Variants in TRPC1 observed in about 807,000 individuals in gnomAD.
The protein encoded by TRPC1 is transient receptor potential cation channel subfamily C member 1.
TRPC1 carries 42 observed loss-of-function variants against 88.2 expected under a neutral mutation model. The observed-to-expected ratio is 0.48, with a 90% CI of 0.37 to 0.62. TRPC1 has a LOEUF of 0.62. TRPC1 is among the 20% of genes least tolerant of loss of function. The pLI, the probability that TRPC1 is intolerant of heterozygous loss-of-function variation, is 0.00. For missense variants in TRPC1, 699 were observed against 957.3 expected, an observed-to-expected ratio of 0.73 and a Z score of 3.56; for synonymous variants, 288 against 331.8, an observed-to-expected ratio of 0.87 and a Z score of 1.43.
chr3:142,761,703 G>T (rs7642332), intron 4 of TRPC1, among the ~76,000 whole-genome samples: 46,817 of 151,678 alleles, frequency 0.31, 9,131 homozygotes, highest in African/African-American at 0.57. Context: ...ATCAGGTCTT[G>T]GGCACTTCTT....
Position 142,791,024 on chromosome 3 carries a change from A to C in TRPC1, c.1303A>C (p.Ile435Leu). Residue 435 changes from isoleucine (I) to leucine (L), a missense_variant, in exon 8 of 13, where the codon ATT becomes CTT. By Grantham distance (5) the Ile-to-Leu change is conservative. Around this residue, in one of 4 missense-constraint regions of TRPC1, gnomAD observed 426 missense variants for 641.3 expected, o/e 0.66. Transcript: ENST00000476941. Reference sequence around the variant, plus strand: ...TTTTTTCTTCCTTTTCTCAGGGATGATTTGGTCAGACATTAAAAGACTCTG... The same window carrying C: ...TTTTTTCTTCCTTTTCTCAGGGATGCTTTGGTCAGACATTAAAAGACTCTG... ...YLLILWIIGM[I>L]WSDIKRLWYE... The C allele has an allele frequency of 3.2e-6, 5 of 1,586,656 alleles. No homozygotes were observed. Among genetic ancestry groups the C allele is most frequent in the Non-Finnish European group, 4.3e-6 (5 of 1,169,908 alleles).
chr3:142,756,771 T>A (rs1012500564), intron 4 of TRPC1, among the ~76,000 whole-genome samples: 16 of 152,168 alleles, frequency 1.1e-4, no homozygotes, highest in African/African-American at 3.9e-4. Flanking sequence ...GTTTTAAAAA[T>A]TTTTTTATTT....
intron 9 of TRPC1, among the ~76,000 whole-genome samples, chr3:142,799,534 G>A (rs1359741413): frequency 6.6e-6 from 1 of 152,082 alleles, no homozygotes; most frequent in Admixed American, 6.6e-5. Context: ...GGCCGGGCAT[G>A]GTGGAACACA....
At chr3:142,784,616 T>C (rs759826591) in intron 6 of TRPC1, 88 bp from the exon 7 acceptor site, 27 of 1,041,750 alleles carry the variant, frequency 2.6e-5, no homozygotes, top group Admixed American at 1.4e-4. Context: ...TAAACTCTTA[T>C]TCAGTAAACT....
intron 7 of TRPC1, among the ~76,000 whole-genome samples, chr3:142,786,723 G>A (rs1004249404): frequency 3.3e-5 from 5 of 152,176 alleles, no homozygotes; most frequent in Admixed American, 6.5e-5. Context: ...GAAGAGAATC[G>A]CTAAGGAGCA....
rs758193548 is a variant in TRPC1 at position 142,743,513 on chromosome 3, ACT to A, written c.359_360del (p.Ser120Ter). On this transcript the variant is annotated frameshift_variant, in exon 3 of 13. Transcript: ENST00000476941. LOFTEE classifies it high-confidence loss of function. The stretch of plus-strand genomic sequence containing the variant: ...GCAGATGCACTTTTGGTGGCAATCG[ACT>A]CTGAAGTAGTGGGAGCTGTTGATAT... 21 of 1,520,214 alleles carry A rather than the reference ACT, an allele frequency of 1.4e-5. No individual in the cohort carries two copies. The highest frequency in any genetic ancestry group is 8.8e-7 in the Non-Finnish European group (1 of 1,141,182). 94.2% of individuals were successfully genotyped at this position (1,520,214 alleles called of 1,614,324 possible).
chr3:142,732,752 C>G (rs1344698044), intron 1 of TRPC1, among the ~76,000 whole-genome samples: 2 of 152,174 alleles, frequency 1.3e-5, no homozygotes, highest in African/African-American at 4.8e-5. Flanking sequence ...GATTATGTTG[C>G]ACTTCCTTCT....
intron 4 of TRPC1, among the ~76,000 whole-genome samples, chr3:142,765,646 A>G (rs1416378774): frequency 6.6e-6 from 1 of 152,138 alleles, no homozygotes; most frequent in African/African-American, 2.4e-5. Context: ...ACCCCTACCT[A>G]TCACCATATA....
chr3:142,736,208 T>C (rs2092276326), intron 1 of TRPC1, among the ~76,000 whole-genome samples, 171 bp from the exon 2 acceptor site: 1 of 152,174 alleles, frequency 6.6e-6, no homozygotes, highest in Non-Finnish European at 1.5e-5. Context: ...ATTATTTTAT[T>C]AAGGTATAAA....
At chr3:142,747,533 C>A (rs1001948606) in intron 3 of TRPC1, among the ~76,000 whole-genome samples, 6 of 152,142 alleles carry the variant, frequency 3.9e-5, no homozygotes, top group Non-Finnish European at 8.8e-5. Context: ...CCCAGCCACC[C>A]TGTTTGTGGC....
chr3:142,724,805 T>TC lies in TRPC1; in HGVS notation c.172+74_172+75insC. On this transcript the variant is annotated intron_variant, in intron 1 of 12. Transcript: ENST00000476941. This position sits in a 1 kb window ranked among gnomAD's most constrained non-coding sequence, Gnocchi z 5.6. ...TTTAGTCCTCTCCCCCGCCTCAACT[T>TC]ATATCGGGGCATTCCCTCTGTCTCA... 1 of 1,427,860 alleles carries TC rather than the reference T, an allele frequency of 7.0e-7. No individual in the cohort carries two copies. The highest frequency in any genetic ancestry group is 9.2e-7 in the Non-Finnish European group (1 of 1,081,344). The allele number at this position is 1,427,860 out of a possible 1,614,324, so 88.4% of individuals were successfully genotyped here.
chr3:142,742,442 C>A (rs1424921161), intron 2 of TRPC1, among the ~76,000 whole-genome samples: 1 of 151,996 alleles, frequency 6.6e-6, no homozygotes, highest in Admixed American at 6.5e-5. Flanking sequence ...GGACTCCAAC[C>A]CTTTTTTTTG....
rs1184708748 is a variant in TRPC1, at chr3:142,807,336, C to A, written c.*1101C>A. On this transcript the variant is annotated 3_prime_UTR_variant, in exon 13 of 13. Transcript: ENST00000476941. ...CATTCTTGCTGCTTAAGATGAAAAG[C>A]ATTGGTTTTTTAAAATTAGAGAATA... is the stretch of plus-strand genomic sequence containing the variant. 1.3e-5 allele frequency: 2 copies of A among 152,054 alleles called. No homozygotes were observed. The highest frequency in any genetic ancestry group is 3.8e-4 in the East Asian group (2 of 5,196). The allele number at this position is 152,054 out of a possible 1,614,324, so 9.4% of individuals were successfully genotyped here. A position where few individuals can be genotyped will look rare whatever the true frequency, so the allele number is the denominator to read the frequency against.
In TRPC1 at chr3:142,807,020, A is replaced by G. The variant is rs1402991933; in HGVS notation, c.*785A>G. The G allele has an allele frequency of 2.0e-5, 3 of 151,954 alleles. No homozygotes were observed. The highest frequency in any genetic ancestry group is 7.2e-5 in the African/African-American group (3 of 41,382). The allele number at this position is 151,954 out of a possible 1,614,324, so 9.4% of individuals were successfully genotyped here. A position where few individuals can be genotyped will look rare whatever the true frequency, so the allele number is the denominator to read the frequency against. On this transcript the variant is annotated 3_prime_UTR_variant, in exon 13 of 13. Coordinates refer to ENST00000476941, the MANE Select transcript of TRPC1 (RefSeq NM_001251845.2). ...ATTTTTTAGCTATTCAGTTATGTTT[A>G]TAAGTTTGCATAGCTACTTCTCGAC...
At chr3:142,802,785 A>C (rs1392885114) in intron 10 of TRPC1, among the ~76,000 whole-genome samples, 1 of 152,082 alleles carries the variant, frequency 6.6e-6, no homozygotes, top group East Asian at 1.9e-4. Context: ...AACTTCATGA[A>C]CATTTTTTTC....
At chr3:142,797,700 T>C (rs1478713868) in intron 9 of TRPC1, among the ~76,000 whole-genome samples, 8 of 152,134 alleles carry the variant, frequency 5.3e-5, no homozygotes, top group Admixed American at 5.2e-4. Context: ...GAGGATTAAA[T>C]GGGTCAGTGT....
chr3:142,775,372 A>G (rs754292007), intron 4 of TRPC1, among the ~76,000 whole-genome samples: 1 of 152,186 alleles, frequency 6.6e-6, no homozygotes, highest in Non-Finnish European at 1.5e-5. Context: ...TAATCCCAGC[A>G]CTTTGGGAGG....
Position 142,799,195 on chromosome 3 carries a change from CTCTG to C in TRPC1, c.1582-2972_1582-2969del, listed in dbSNP as rs144507580. Among the ~76,000 whole-genome samples, 637 of 151,994 alleles carry C rather than the reference CTCTG, an allele frequency of 4.2e-3. 22 individuals are homozygous for C. The East Asian group carries it at 0.089, about 21-fold the overall frequency. On this transcript the variant is annotated intron_variant, in intron 9 of 12. Transcript: ENST00000476941. ...TCTGATTAGCAAGAAGGATTTTTTC[CTCTG>C]TGTGTACTAGTATTAACTCTATGTA... is the stretch of plus-strand genomic sequence containing the variant.
rs375271531 is a variant in TRPC1, at chr3:142,742,094, C to T, written c.328-1391C>T. Reference sequence around the variant, plus strand: ...AGGAGAATCCCTTGAACCTGGGAGGCGGAGGTTGCAGTGAGCCAAGATTGT... The same window carrying T: ...AGGAGAATCCCTTGAACCTGGGAGGTGGAGGTTGCAGTGAGCCAAGATTGT... On this transcript the variant is annotated intron_variant, in intron 2 of 12. Transcript: ENST00000476941. 5.8e-3 allele frequency among the ~76,000 whole-genome samples: 866 copies of T among 150,068 alleles called. 3 individuals carry two copies. Among genetic ancestry groups the T allele is most frequent in the Non-Finnish European group, 9.2e-3 (625 of 67,720 alleles).
Sources: gnomAD v4.1 joint callset for allele counts (sites outside exome capture counted in the v4.1 genomes callset) on GRCh38, gnomAD v4.1.1 for gene constraint, gnomAD v4.1.1 regional missense constraint, Gnocchi (gnomAD v3.1) non-coding constraint, MANE v1.5 for transcripts, NCBI Gene and HGNC (gene_info 2026-07-23, HGNC 2026-07-21) for gene names.